COL8A1: variants seen among roughly 807,000 people sequenced by gnomAD.
COL8A1 encodes the protein collagen alpha-1(VIII) chain.
A neutral mutation model predicts 42.7 loss-of-function variants in COL8A1; 21 were observed. The observed-to-expected ratio is 0.49, with a 90% CI of 0.35 to 0.71. The LOEUF is 0.71. Ranked by LOEUF, COL8A1 falls within the 30% of genes least tolerant of loss-of-function variation. The pLI is 0.01. For missense variants in COL8A1, 788 were observed against 962.4 expected, an observed-to-expected ratio of 0.82 and a Z score of 2.40; for synonymous variants, 367 against 369.1, an observed-to-expected ratio of 0.99 and a Z score of 0.06.
At chr3:99,704,805 C>G (rs985399305) in intron 1 of COL8A1, among the ~76,000 whole-genome samples, 1 of 152,134 alleles carries the variant, frequency 6.6e-6, no homozygotes, top group Non-Finnish European at 1.5e-5. Context: ...GTGCTGCAGG[C>G]TTTTCTTTCT....
At chr3:99,662,329 C>T (rs1248650372) in intron 1 of COL8A1, among the ~76,000 whole-genome samples, 1 of 151,496 alleles carries the variant, frequency 6.6e-6, no homozygotes, top group Non-Finnish European at 1.5e-5. Context: ...TTGCCCTGAG[C>T]CGACATCACG....
In COL8A1 at chr3:99,795,988, TC is replaced by T; in HGVS notation, c.2089del (p.Leu697TrpfsTer63). 1 of 1,613,962 alleles carries T rather than the reference TC, an allele frequency of 6.2e-7. No homozygotes were observed. The highest frequency in any genetic ancestry group is 8.5e-7 in the Non-Finnish European group (1 of 1,179,954). Reference sequence around the variant, plus strand: ...ACGTACGACGAGTACAAAAAGGGCTTCCTGGACCAGGCATCTGGGAGTGCAG... The same window carrying T: ...ACGTACGACGAGTACAAAAAGGGCTTCTGGACCAGGCATCTGGGAGTGCAG... ...MYTYDEYKKG[F>X]LDQASGSAVL... On this transcript the variant is annotated frameshift_variant, in exon 4 of 4. Coordinates refer to ENST00000652472, the MANE Select transcript of COL8A1 (RefSeq NM_020351.4). LOFTEE classifies it high-confidence loss of function.
rs565313367 is a variant in COL8A1, at chr3:99,671,578, CCAA to C, written c.-129+32917_-129+32919del. On this transcript the variant is annotated intron_variant, in intron 1 of 3. Transcript: ENST00000652472. ...GTACTTGAAATGGTGTGTCTTTTCA[CCAA>C]CATCTTCCCAGTCCCCCACCACCTA... is the stretch of plus-strand genomic sequence containing the variant. 7.5e-4 allele frequency among the ~76,000 whole-genome samples: 114 copies of C among 152,070 alleles called. 1 individual carries two copies. Among genetic ancestry groups the C allele is most frequent in the Middle Eastern group, 6.8e-3 (2 of 294 alleles).
chr3:99,683,868 C>T (rs1462722910), intron 1 of COL8A1, among the ~76,000 whole-genome samples: 3 of 152,102 alleles, frequency 2.0e-5, no homozygotes, highest in African/African-American at 7.2e-5. Context: ...AACAGAAGTG[C>T]TGTGACTGGA....
chr3:99,733,968 T>A (rs1267247609), intron 1 of COL8A1, among the ~76,000 whole-genome samples: 1 of 152,102 alleles, frequency 6.6e-6, no homozygotes, highest in Non-Finnish European at 1.5e-5. Flanking sequence ...TGTCTGTTCA[T>A]GTCCTTCGCC....
At chr3:99,758,613 T>C (rs998212772) in intron 2 of COL8A1, among the ~76,000 whole-genome samples, 1 of 152,142 alleles carries the variant, frequency 6.6e-6, no homozygotes, top group Non-Finnish European at 1.5e-5. Flanking sequence ...TAGAGCATGC[T>C]TGTAGAAAAT....
chr3:99,690,532 A>G (rs1939186181), intron 1 of COL8A1, among the ~76,000 whole-genome samples: 1 of 152,192 alleles, frequency 6.6e-6, no homozygotes, highest in African/African-American at 2.4e-5. Context: ...TTTCTTGATT[A>G]ACTTTGTTAA....
intron 1 of COL8A1, among the ~76,000 whole-genome samples, chr3:99,654,385 T>G (rs1322462331): frequency 6.6e-6 from 1 of 152,192 alleles, no homozygotes; most frequent in Admixed American, 6.5e-5. Context: ...ACTATCACAA[T>G]TCTACCTTAC....
intron 2 of COL8A1, among the ~76,000 whole-genome samples, chr3:99,770,476 A>G (rs1941557203): frequency 6.6e-6 from 1 of 152,202 alleles, no homozygotes; most frequent in South Asian, 2.1e-4. Context: ...TATTCACTCA[A>G]AAACATGTAT....
chr3:99,758,942 G>A (rs1262557473), intron 2 of COL8A1, among the ~76,000 whole-genome samples: 3 of 152,052 alleles, frequency 2.0e-5, no homozygotes, highest in Non-Finnish European at 4.4e-5. Flanking sequence ...TTATAATAAA[G>A]GACTATTATT....
chr3:99,764,779 C>T (rs554596065), intron 2 of COL8A1, among the ~76,000 whole-genome samples: 7 of 136,030 alleles, frequency 5.1e-5, no homozygotes, highest in African/African-American at 2.0e-4. Context: ...GGTTCATCTG[C>T]AACCTCTGCA....
intron 2 of COL8A1, among the ~76,000 whole-genome samples, chr3:99,773,321 A>G (rs1189886831): frequency 6.6e-6 from 1 of 152,174 alleles, no homozygotes; most frequent in East Asian, 1.9e-4. Context: ...CTTCCACGTC[A>G]TAGTGAGCAG....
intron 2 of COL8A1, among the ~76,000 whole-genome samples, chr3:99,779,756 A>G (rs764239433): frequency 1.3e-5 from 2 of 152,252 alleles, no homozygotes; most frequent in Non-Finnish European, 2.9e-5. Context: ...TGCAATGAGA[A>G]GTCTTAAATT....
chr3:99,758,269 T>A (rs1004284679), intron 2 of COL8A1, among the ~76,000 whole-genome samples: 34 of 152,272 alleles, frequency 2.2e-4, no homozygotes, highest in Non-Finnish European at 2.5e-4. Context: ...AACCTTTTTT[T>A]TCTTTGTCAG....
At chr3:99,686,771 C>A (rs377698083) in intron 1 of COL8A1, among the ~76,000 whole-genome samples, 1 of 152,120 alleles carries the variant, frequency 6.6e-6, no homozygotes, top group Non-Finnish European at 1.5e-5. Context: ...GCCTCCCTAG[C>A]CTTAGGTGAT....
chr3:99,684,203 C>A (rs958449227), intron 1 of COL8A1, among the ~76,000 whole-genome samples: 3 of 152,170 alleles, frequency 2.0e-5, no homozygotes, highest in Non-Finnish European at 4.4e-5. Flanking sequence ...GCTCTCTTCT[C>A]AAATTTAGTC....
At chr3:99,655,338 A>G (rs912046966) in intron 1 of COL8A1, among the ~76,000 whole-genome samples, 1 of 152,218 alleles carries the variant, frequency 6.6e-6, no homozygotes, top group Non-Finnish European at 1.5e-5. Context: ...CATTCAACAC[A>G]CATAGATTTA....
In COL8A1 at chr3:99,655,363, G is replaced by T. The variant is rs530341035; in HGVS notation, c.-129+16699G>T. On this transcript the variant is annotated intron_variant, in intron 1 of 3. Coordinates refer to ENST00000652472, the MANE Select transcript of COL8A1 (RefSeq NM_020351.4). ...ACATAGATTTAAAATATACAAAACA[G>T]GAAACTGTCTTTACATGGTAGTCTT... 1.1e-3 allele frequency among the ~76,000 whole-genome samples: 174 copies of T among 152,238 alleles called. 3 individuals are homozygous for T. The highest frequency in any genetic ancestry group is 2.3e-3 in the South Asian group (11 of 4,822).
rs1319508634 is a variant in COL8A1, at chr3:99,658,124, A to C, written c.-129+19460A>C. On this transcript the variant is annotated intron_variant, in intron 1 of 3. Coordinates refer to ENST00000652472, the MANE Select transcript of COL8A1 (RefSeq NM_020351.4). ...AGCAAGACTCCATCTCAAAAAAACAAAAAACAAAAAAAAAAAAACACCTTT... is the reference window on the plus strand; with the variant it reads ...AGCAAGACTCCATCTCAAAAAAACACAAAACAAAAAAAAAAAAACACCTTT... Among the ~76,000 whole-genome samples, 163 of 141,366 alleles carry C rather than the reference A, an allele frequency of 1.2e-3. 2 individuals are homozygous for C. The East Asian group carries it at 0.026, about 22-fold the overall frequency. The allele number at this position is 141,366 out of a possible 152,430, so 92.7% of individuals were successfully genotyped here. A position where few individuals can be genotyped will look rare whatever the true frequency, so the allele number is the denominator to read the frequency against.
Sources: gnomAD v4.1 joint callset for allele counts (sites outside exome capture counted in the v4.1 genomes callset) on GRCh38, gnomAD v4.1.1 for gene constraint, MANE v1.5 for transcripts, NCBI Gene and HGNC (gene_info 2026-07-23, HGNC 2026-07-21) for gene names.